FSTL4: variants seen among roughly 807,000 people sequenced by gnomAD.
FSTL4 encodes the protein follistatin-related protein 4.
In FSTL4, 28 loss-of-function variants were observed where a neutral mutation model predicts 78.2. The observed-to-expected ratio is 0.36, with a 90% CI of 0.27 to 0.49. The LOEUF (loss-of-function observed/expected upper bound fraction) is 0.49, where lower values mean the gene tolerates loss of function less well. FSTL4 is among the 20% of genes least tolerant of loss of function. The probability of loss-of-function intolerance (pLI) is 0.98; values close to 1 mark genes in which losing one functional copy is unlikely to be tolerated. For missense variants in FSTL4, 922 were observed against 1,084.9 expected (o/e 0.85, Z 2.11); for synonymous variants, 422 against 440.5 (o/e 0.96, Z 0.53).
the FSTL4 span, among the ~76,000 whole-genome samples, chr5:133,652,260 A>G: frequency 1.3e-5 from 2 of 151,818 alleles, no homozygotes; most frequent in African/African-American, 4.8e-5. Flanking sequence ...TTTCTGCTCT[A>G]ATTTTTTATT....
chr5:133,245,869 T>C (rs2126818418), intron 7 of FSTL4, among the ~76,000 whole-genome samples: 1 of 152,336 alleles, frequency 6.6e-6, no homozygotes, highest in Admixed American at 6.5e-5. Flanking sequence ...CAGGGCATGC[T>C]TGATGTTTGC....
the FSTL4 span, among the ~76,000 whole-genome samples, chr5:133,720,174 G>A: frequency 6.6e-6 from 1 of 152,144 alleles, no homozygotes; most frequent in East Asian, 1.9e-4. Flanking sequence ...TAAAAAAGGA[G>A]ATGCTCATAG....
upstream of FSTL4, among the ~76,000 whole-genome samples, chr5:133,612,971 G>A (rs989982889): frequency 1.3e-5 from 2 of 152,188 alleles, no homozygotes; most frequent in African/African-American, 2.4e-5. This position sits in a 1 kb window ranked among gnomAD's most constrained non-coding sequence, Gnocchi z 6.2. Flanking sequence ...CCGCCGTTGA[G>A]ACCCAACAAC....
At chr5:133,234,741 C>T (rs78406411) in intron 7 of FSTL4, among the ~76,000 whole-genome samples, 2 of 152,144 alleles carry the variant, frequency 1.3e-5, no homozygotes, top group African/African-American at 4.8e-5. Context: ...TGCCATTGAC[C>T]AATGTACCCA....
At chr5:133,372,628 T>G (rs1385883794) in intron 4 of FSTL4, among the ~76,000 whole-genome samples, 1 of 152,202 alleles carries the variant, frequency 6.6e-6, no homozygotes, top group Non-Finnish European at 1.5e-5. Flanking sequence ...ACCAGCCCGA[T>G]GAAAGAGAGC....
At chr5:133,820,478 A>G in the FSTL4 span, among the ~76,000 whole-genome samples, 1 of 152,006 alleles carries the variant, frequency 6.6e-6, no homozygotes, top group Non-Finnish European at 1.5e-5. Flanking sequence ...CTTGTCTGGT[A>G]CCCGCATAAC....
chr5:133,504,415 A>G (rs756858040), intron 3 of FSTL4, among the ~76,000 whole-genome samples: 1 of 152,108 alleles, frequency 6.6e-6, no homozygotes, highest in Non-Finnish European at 1.5e-5. Flanking sequence ...TCCAAACCAC[A>G]AGTGTTGCTC....
intron 3 of FSTL4, among the ~76,000 whole-genome samples, chr5:133,454,011 C>G (rs1561723118): frequency 6.6e-6 from 1 of 152,198 alleles, no homozygotes; most frequent in Non-Finnish European, 1.5e-5. Context: ...CCTCCTCAAT[C>G]AGCGAGTTTT....
intron 3 of FSTL4, among the ~76,000 whole-genome samples, chr5:133,424,170 G>A (rs1297447678): frequency 6.6e-6 from 1 of 152,226 alleles, no homozygotes; most frequent in Admixed American, 6.5e-5. Flanking sequence ...CAGCAGCTCC[G>A]AGGCAGGTGG....
the FSTL4 span, among the ~76,000 whole-genome samples, chr5:133,733,058 C>T: frequency 6.6e-6 from 1 of 152,202 alleles, no homozygotes; most frequent in Non-Finnish European, 1.5e-5. Flanking sequence ...GGGAGTTTCT[C>T]AGATACTTGT....
intron 1 of FSTL4, among the ~76,000 whole-genome samples, chr5:133,610,543 T>C (rs1389695064): frequency 1.3e-5 from 2 of 152,190 alleles, no homozygotes. Flanking sequence ...AACGCTAAGA[T>C]GGGAAGCAGA....
chr5:133,239,419 G>A (rs1751766542), intron 7 of FSTL4, among the ~76,000 whole-genome samples: 1 of 152,232 alleles, frequency 6.6e-6, no homozygotes. Flanking sequence ...AGCCAGCTGG[G>A]CTCCTGAGTC....
the FSTL4 span, among the ~76,000 whole-genome samples, chr5:133,654,310 GA>G: frequency 6.6e-6 from 1 of 152,222 alleles, no homozygotes; most frequent in African/African-American, 2.4e-5. Flanking sequence ...TCCTCTGAAG[GA>G]AGCACAGTTG....
At chr5:133,525,327 C>T (rs1561456606) in intron 3 of FSTL4, among the ~76,000 whole-genome samples, 1 of 152,208 alleles carries the variant, frequency 6.6e-6, no homozygotes, top group Non-Finnish European at 1.5e-5. Flanking sequence ...TTAGCCTGTG[C>T]CTGACTTCTA....
chr5:133,709,354 A>G, the FSTL4 span, among the ~76,000 whole-genome samples: 1 of 152,268 alleles, frequency 6.6e-6, no homozygotes, highest in African/African-American at 2.4e-5. Context: ...TCTCTCCTGT[A>G]TGTGCAAACT....
the FSTL4 span, among the ~76,000 whole-genome samples, chr5:133,721,303 T>G: frequency 6.6e-6 from 1 of 152,216 alleles, no homozygotes; most frequent in African/African-American, 2.4e-5. Flanking sequence ...TAATAGAAAT[T>G]TATATGATTT....
chr5:133,822,275 G>A, the FSTL4 span, among the ~76,000 whole-genome samples: 3,607 of 152,240 alleles, frequency 0.024, 80 homozygotes, highest in East Asian at 0.1. Context: ...GGGGCTTGGA[G>A]ATGCTTCCGA....
intron 3 of FSTL4, among the ~76,000 whole-genome samples, chr5:133,418,440 T>C (rs1029488949): frequency 2.0e-5 from 3 of 152,122 alleles, no homozygotes; most frequent in Non-Finnish European, 2.9e-5. Context: ...ATGTGGATTC[T>C]TCCTAAATTT....
intron 6 of FSTL4, among the ~76,000 whole-genome samples, chr5:133,261,065 C>T (rs1483975797): frequency 6.6e-6 from 1 of 152,204 alleles, no homozygotes; most frequent in Non-Finnish European, 1.5e-5. Flanking sequence ...GTCTGATTTA[C>T]ACCTTTAAAG....
Sources: gnomAD v4.1 joint callset for allele counts (sites outside exome capture counted in the v4.1 genomes callset) on GRCh38, gnomAD v4.1.1 for gene constraint, Gnocchi (gnomAD v3.1) non-coding constraint, MANE v1.5 for transcripts, NCBI Gene and HGNC (gene_info 2026-07-23, HGNC 2026-07-21) for gene names.